IRAG1: variants seen among roughly 807,000 people sequenced by gnomAD.
IRAG1 encodes IP3R-associated cGMP kinase substrate.
In IRAG1, 62 loss-of-function variants were observed where a neutral mutation model predicts 106.2. That is an observed-to-expected ratio of 0.58 (90% CI 0.48 to 0.72). The LOEUF is 0.72. Ranked by LOEUF, IRAG1 falls within the 30% of genes least tolerant of loss-of-function variation. The pLI is 0.00. For missense variants in IRAG1, 1,064 were observed against 1,140.7 expected (o/e 0.93, Z 0.97); for synonymous variants, 462 against 443.9 (o/e 1.04, Z -0.51).
chr11:10,627,192 G>A (rs536491868), intron 8 of IRAG1, among the ~76,000 whole-genome samples: 11 of 152,244 alleles, frequency 7.2e-5, no homozygotes, highest in South Asian at 4.1e-4. Context: ...TGGCTGCCTC[G>A]TGTGTGCTGA....
chr11:10,588,721 TTAG>T (rs574587888), intron 18 of IRAG1, among the ~76,000 whole-genome samples: 22 of 152,184 alleles, frequency 1.4e-4, no homozygotes, highest in African/African-American at 5.3e-4. Flanking sequence ...CAAAATCAGG[TTAG>T]GTGCTCATTT....
At chr11:10,595,283 T>C (rs1227033894) in intron 15 of IRAG1, among the ~76,000 whole-genome samples, 2 of 152,204 alleles carry the variant, frequency 1.3e-5, no homozygotes, top group East Asian at 1.9e-4. Context: ...ATACTAGTTA[T>C]AGTTCTTGTG....
chr11:10,598,910 T>G (rs939955521), intron 15 of IRAG1, among the ~76,000 whole-genome samples: 3 of 152,188 alleles, frequency 2.0e-5, no homozygotes, highest in African/African-American at 7.2e-5. Flanking sequence ...ACCCCAGGCA[T>G]AGACAAAGAT....
At chr11:10,615,483 G>A (rs1457300594) in intron 10 of IRAG1, among the ~76,000 whole-genome samples, 3 of 152,120 alleles carry the variant, frequency 2.0e-5, no homozygotes, top group East Asian at 1.9e-4. Flanking sequence ...ACATGCACAC[G>A]TATGTTTATT....
At chr11:10,682,009 G>A (rs931728185) in intron 1 of IRAG1, among the ~76,000 whole-genome samples, 4 of 152,176 alleles carry the variant, frequency 2.6e-5, no homozygotes, top group African/African-American at 9.7e-5. Flanking sequence ...TTTGCACCAA[G>A]GGCAATATGG....
At chr11:10,683,747 C>A (rs1861445780) in intron 1 of IRAG1, among the ~76,000 whole-genome samples, 1 of 152,206 alleles carries the variant, frequency 6.6e-6, no homozygotes, top group African/African-American at 2.4e-5. Flanking sequence ...ACAGCTCATT[C>A]TGGATGGAAC....
At position 10,592,741 on chromosome 11, in the gene IRAG1, T is replaced by C. The variant is rs564534349; in HGVS notation, c.2175+751A>G. On this transcript the variant is annotated intron_variant, in intron 17 of 20. Transcript: ENST00000423302. Reference sequence around the variant, plus strand: ...GATTATTACCAATACATTCTTATTATAGAAATATAAAAAGGCATCAGGAAG... The same window carrying C: ...GATTATTACCAATACATTCTTATTACAGAAATATAAAAAGGCATCAGGAAG... Among the ~76,000 whole-genome samples the C allele has an allele frequency of 1.3e-4, 20 of 152,328 alleles. No homozygotes were observed. The East Asian group carries it at 1.7e-3, about 13-fold the overall frequency.
At chr11:10,683,761 T>C (rs1861446467) in intron 1 of IRAG1, among the ~76,000 whole-genome samples, 1 of 152,200 alleles carries the variant, frequency 6.6e-6, no homozygotes, top group African/African-American at 2.4e-5. Context: ...ATGGAACCTC[T>C]TCCCTGGCTC....
chr11:10,644,931 C>T (rs1172590684), intron 2 of IRAG1, among the ~76,000 whole-genome samples: 1 of 152,098 alleles, frequency 6.6e-6, no homozygotes, highest in African/African-American at 2.4e-5. Flanking sequence ...GGCAATCTGC[C>T]TTCAGCAGTA....
intron 18 of IRAG1, among the ~76,000 whole-genome samples, chr11:10,586,301 A>C (rs1034362328): frequency 5.9e-5 from 9 of 151,910 alleles, no homozygotes; most frequent in East Asian, 1.9e-4. Context: ...TTCTCTAACT[A>C]TCTGGAAGTT....
At chr11:10,625,677 T>C (rs1398448069) in intron 9 of IRAG1, among the ~76,000 whole-genome samples, 3 of 152,078 alleles carry the variant, frequency 2.0e-5, no homozygotes, top group Non-Finnish European at 2.9e-5. Context: ...GGGGCCCACA[T>C]GTCCCTCCAC....
intron 1 of IRAG1, among the ~76,000 whole-genome samples, chr11:10,680,344 G>GAAAGAAAGAAAGAAAGAAAGAAA (rs1861069824): frequency 2.9e-5 from 2 of 67,982 alleles, no homozygotes; most frequent in East Asian, 1.6e-3. Flanking sequence ...AAGGAAGGAA[G>GAAAGAAAGAAAGAAAGAAAGAAA]GAAAGAAAGA....
intron 2 of IRAG1, among the ~76,000 whole-genome samples, chr11:10,641,443 A>G (rs969647246): frequency 6.6e-5 from 10 of 152,196 alleles, no homozygotes; most frequent in African/African-American, 2.2e-4. Flanking sequence ...CATAAGCCCA[A>G]GTGATCAAGG....
chr11:10,663,447 G>A (rs1859551836), intron 1 of IRAG1, among the ~76,000 whole-genome samples: 1 of 152,172 alleles, frequency 6.6e-6, no homozygotes, highest in African/African-American at 2.4e-5. Context: ...TGGCCTCCAT[G>A]GTGCCTGCCT....
At chr11:10,578,882 G>T (rs1357359848) in intron 20 of IRAG1, among the ~76,000 whole-genome samples, 1 of 152,188 alleles carries the variant, frequency 6.6e-6, no homozygotes, top group African/African-American at 2.4e-5. Context: ...CTTTCTCAGT[G>T]TTTGGAAGTG....
chr11:10,650,065 T>C (rs547565221), intron 2 of IRAG1, among the ~76,000 whole-genome samples: 6 of 152,258 alleles, frequency 3.9e-5, no homozygotes, highest in Non-Finnish European at 8.8e-5. Context: ...TTAGTGAATA[T>C]TCTCATGTTA....
At position 10,609,756 on chromosome 11, in the gene IRAG1, G is replaced by A; in HGVS notation, c.1543C>T (p.Leu515=). The change falls in exon 11 of 21, where the codon CTG becomes TTG. Residue 515 remains leucine, a synonymous_variant. Coordinates refer to ENST00000423302, the MANE Select transcript of IRAG1 (RefSeq NM_130385.4). The part of the protein sequence containing the change: ...PNISDVLLRK[L]RVHRSLPGSA... ...CCAGGGAGACTCCTGTGGACCCGCA[G>A]TTTGCGCAGCAGCACATCAGAAATA... 1 of 1,613,884 alleles carries A rather than the reference G, an allele frequency of 6.2e-7. No individual in the cohort carries two copies. Among genetic ancestry groups the A allele is most frequent in the Middle Eastern group, 1.6e-4 (1 of 6,062 alleles).
chr11:10,628,711 G>C lies in IRAG1; in HGVS notation c.652+40C>G, dbSNP rs536912822. ...TCCAGGCTGAGCTGCCACCCAGAGC[G>C]AGAGGCAGGGCAGGAAGTCCCCGGG... is the stretch of plus-strand genomic sequence containing the variant. On this transcript the variant is annotated intron_variant, in intron 6 of 20. Transcript: ENST00000423302. The surrounding 1 kb of genome is among the most constrained non-coding windows in gnomAD (Gnocchi z 4.1). The C allele has an allele frequency of 1.4e-6, 2 of 1,472,986 alleles. No individual in the cohort carries two copies. The highest frequency in any genetic ancestry group is 1.8e-6 in the Non-Finnish European group (2 of 1,106,226). 91.2% of individuals were successfully genotyped at this position (1,472,986 alleles called of 1,614,324 possible).
chr11:10,595,408 T>C (rs1221790158), intron 15 of IRAG1, among the ~76,000 whole-genome samples: 2 of 152,220 alleles, frequency 1.3e-5, no homozygotes, highest in Non-Finnish European at 2.9e-5. Context: ...TTGGAAATTA[T>C]ACATTCTATT....
Sources: gnomAD v4.1 joint callset for allele counts (sites outside exome capture counted in the v4.1 genomes callset) on GRCh38, gnomAD v4.1.1 for gene constraint, Gnocchi (gnomAD v3.1) non-coding constraint, MANE v1.5 for transcripts, NCBI Gene and HGNC (gene_info 2026-07-23, HGNC 2026-07-21) for gene names.